Variants in SLC29A2 observed in about 807,000 individuals in gnomAD.
SLC29A2 encodes the protein equilibrative nucleoside transporter 2.
A neutral mutation model predicts 48.8 loss-of-function variants in SLC29A2; 37 were observed. The observed-to-expected ratio is 0.76, with a 90% CI of 0.58 to 1.00. The LOEUF (loss-of-function observed/expected upper bound fraction) is 1.00. SLC29A2 is among the 50% of genes least tolerant of loss of function. The pLI is 0.00. For missense variants in SLC29A2, 533 were observed against 578.6 expected (o/e 0.92, Z 0.81); for synonymous variants, 233 against 261.7 (o/e 0.89, Z 1.06).
chr11:66,367,636 C>T, intron 6 of SLC29A2, 88 bp from the exon 7 acceptor site: 5 of 1,511,918 alleles, frequency 3.3e-6, no homozygotes, highest in Admixed American at 1.7e-5. Context: ...GAGGCTGGGG[C>T]CCCTCAGTGT....
rs759305393 is a variant in SLC29A2 at position 66,368,590 on chromosome 11, C to T, written c.497G>A (p.Gly166Asp). ...PSTYSTLFLS[G>D]QGLAGIFAAL... ...AGCAAAGATCCCAGCCAGGCCCTGG[C>T]CGCTGAGGAAGAGGGTGCTGTAGGT... Residue 166 changes from glycine (G) to aspartate (D), a missense_variant, in exon 5 of 12, where the codon GGC becomes GAC. Physicochemically the swap from Gly to Asp is moderately conservative, Grantham distance 94. Transcript: ENST00000357440. 6.2e-6 allele frequency: 10 copies of T among 1,611,032 alleles called. No individual in the cohort carries two copies. Among genetic ancestry groups the T allele is most frequent in the Non-Finnish European group, 8.5e-6 (10 of 1,178,844 alleles).
At chr11:66,364,550 C>G (rs1855561481) in intron 10 of SLC29A2, 126 bp from the exon 11 acceptor site, 1 of 699,418 alleles carries the variant, frequency 1.4e-6, no homozygotes, top group African/African-American at 1.8e-5. Flanking sequence ...GTTGCCCAGG[C>G]TGGAGTGCAG....
chr11:66,371,140 T>TC (rs779980788), intron 2 of SLC29A2, 104 bp downstream of exon 2: 1 of 975,610 alleles, frequency 1.0e-6, no homozygotes, highest in Non-Finnish European at 1.6e-6. Context: ...CAACGAGGGG[T>TC]CACAGGTGCG....
chr11:66,365,783 C>A (rs1022657217), intron 10 of SLC29A2, among the ~76,000 whole-genome samples, 153 bp downstream of exon 10: 1 of 152,178 alleles, frequency 6.6e-6, no homozygotes, highest in Non-Finnish European at 1.5e-5. Context: ...CTGGCCTGCA[C>A]GCCTCCAGGG....
chr11:66,367,720 A>G (rs2135005283), intron 6 of SLC29A2, 52 bp downstream of exon 6: 1 of 1,556,176 alleles, frequency 6.4e-7, no homozygotes, highest in Non-Finnish European at 8.9e-7. Context: ...CAGGCTCAGG[A>G]CTCTATCCAA....
chr11:66,366,096 C>T, intron 9 of SLC29A2, 30 bp downstream of exon 9: 1 of 1,606,066 alleles, frequency 6.2e-7, no homozygotes, highest in Non-Finnish European at 8.5e-7. Context: ...GTACCCCCTG[C>T]CCTGCCGTCT....
rs1389027885 is a variant in SLC29A2 at position 66,363,336 on chromosome 11, C to T, written c.*100G>A. 1.8e-5 allele frequency: 17 copies of T among 951,390 alleles called. No homozygotes were observed. The highest frequency in any genetic ancestry group is 4.5e-4 in the Middle Eastern group (2 of 4,492). The allele number at this position is 951,390 out of a possible 1,614,324, so 58.9% of individuals were successfully genotyped here. On this transcript the variant is annotated 3_prime_UTR_variant, in exon 12 of 12. Coordinates refer to ENST00000357440, the MANE Select transcript of SLC29A2 (RefSeq NM_001532.3). Reference sequence around the variant, plus strand: ...GCCTCAGGCCCAGGGGCCTCCACCCCGCAGAGGCCTGAGCCAAGCTCGCCA... The same window carrying T: ...GCCTCAGGCCCAGGGGCCTCCACCCTGCAGAGGCCTGAGCCAAGCTCGCCA...
At chr11:66,371,918 C>T, upstream of SLC29A2, 1 of 433,132 alleles carries the variant, frequency 2.3e-6, no homozygotes. Flanking sequence ...CGCACAGCCC[C>T]TCCCCGCAGC....
At chr11:66,365,907 A>G (rs780091485) in intron 10 of SLC29A2, 29 bp downstream of exon 10, 4 of 1,603,074 alleles carry the variant, frequency 2.5e-6, no homozygotes, top group South Asian at 1.1e-5. Flanking sequence ...TTCCTAAAAC[A>G]TCGGATCACC....
chr11:66,364,548 G>T (rs536551840), intron 10 of SLC29A2, 124 bp from the exon 11 acceptor site: 34 of 707,954 alleles, frequency 4.8e-5, no homozygotes, highest in African/African-American at 4.7e-4. Flanking sequence ...CTGTTGCCCA[G>T]GCTGGAGTGC....
chr11:66,366,521 G>A lies in SLC29A2; in HGVS notation c.777C>T (p.Thr259=). The change falls in exon 8 of 12, where the codon ACC becomes ACT. Residue 259 remains threonine (T), a synonymous_variant. Transcript: ENST00000357440. ...GCTCCTTCTCCAGGTCAAGATCCAG[G>A]GTCAGAGCTACTTTCTGGGGACTAC... ...IPSSPQKVAL[T]LDLDLEKEPE... The A allele has an allele frequency of 1.2e-6, 2 of 1,614,012 alleles. No homozygotes were observed. The highest frequency in any genetic ancestry group is 2.2e-5 in the East Asian group (1 of 44,880).
Position 66,367,802 on chromosome 11 carries a change from G to A in SLC29A2, c.618C>T (p.Ser206=). ...GAGGCAGGCTCAGGTAACACACGAT[G>A]GACATGAGGATGCCCACACAGGGCG... ...FITPCVGILM[S]IVCYLSLPHL... is the part of the protein sequence containing the mutation. Residue 206 remains serine, a synonymous_variant, in exon 6 of 12, where the codon TCC becomes TCT. Coordinates refer to ENST00000357440, the MANE Select transcript of SLC29A2 (RefSeq NM_001532.3). 6.2e-7 allele frequency: 1 copy of A among 1,614,174 alleles called. No individual in the cohort carries two copies. Among genetic ancestry groups the A allele is most frequent in the Non-Finnish European group, 8.5e-7 (1 of 1,180,000 alleles).
chr11:66,366,050 T>G, intron 9 of SLC29A2, 29 bp from the exon 10 acceptor site: 1 of 1,611,562 alleles, frequency 6.2e-7, no homozygotes, highest in Non-Finnish European at 8.5e-7. Flanking sequence ...CAGCTCATAC[T>G]GGTCTCCAAC....
rs1175510255 is a variant in SLC29A2, at chr11:66,371,471, G to C, written c.29+92C>G. On this transcript the variant is annotated intron_variant, in intron 1 of 11. Transcript: ENST00000357440. The stretch of plus-strand genomic sequence containing the variant: ...AGGGAGTCGGCTGATGGGAATTGTA[G>C]TTCGATCCGGTCTTCTCTGAGCCTC... 3 of 1,509,604 alleles carry C rather than the reference G, an allele frequency of 2.0e-6. No individual in the cohort carries two copies. In the African/African-American group the frequency reaches 4.2e-5, roughly 21 times the overall value. The allele number at this position is 1,509,604 out of a possible 1,614,324, so 93.5% of individuals were successfully genotyped here.
chr11:66,367,335 T>A (rs1252999597), intron 7 of SLC29A2, 129 bp downstream of exon 7: 1 of 809,064 alleles, frequency 1.2e-6, no homozygotes, highest in African/African-American at 1.7e-5. Context: ...CTTCCCTTCA[T>A]GATCTTCCTG....
intron 11 of SLC29A2, 90 bp from the exon 12 acceptor site, chr11:66,363,637 C>T: frequency 1.1e-6 from 1 of 921,412 alleles, no homozygotes; most frequent in Non-Finnish European, 1.7e-6. Context: ...AGTCTGGGCT[C>T]TGACCCAACC....
At chr11:66,371,859 T>G (rs1856067519), upstream of SLC29A2, 9 of 519,702 alleles carry the variant, frequency 1.7e-5, no homozygotes, top group African/African-American at 4.1e-5. Flanking sequence ...GACTCGACTC[T>G]GGCTCGGGCC....
intron 3 of SLC29A2, 59 bp downstream of exon 3, chr11:66,369,310 G>A (rs1855893899): frequency 6.2e-7 from 1 of 1,609,322 alleles, no homozygotes; most frequent in Non-Finnish European, 8.5e-7. Context: ...GGGGCGCAGG[G>A]GAGGGCCTCA....
At chr11:66,367,326 T>G (rs1378345946) in intron 7 of SLC29A2, 138 bp downstream of exon 7, 1 of 780,360 alleles carries the variant, frequency 1.3e-6, no homozygotes, top group Non-Finnish European at 2.3e-6. Flanking sequence ...TCCTACCAAC[T>G]TCCCTTCATG....
Sources: gnomAD v4.1 joint callset for allele counts (sites outside exome capture counted in the v4.1 genomes callset) on GRCh38, gnomAD v4.1.1 for gene constraint, MANE v1.5 for transcripts, NCBI Gene and HGNC (gene_info 2026-07-23, HGNC 2026-07-21) for gene names.